PRKN: variants seen among roughly 807,000 people sequenced by gnomAD.
The protein encoded by PRKN is parkin RBR E3 ubiquitin protein ligase, also known as E3 ubiquitin-protein ligase parkin.
In PRKN, 56 loss-of-function variants were observed where a neutral mutation model predicts 59.5. The ratio of observed to expected loss-of-function variants is 0.94; its 90% CI spans 0.76 to 1.18. PRKN has a LOEUF of 1.18. Ranked by LOEUF, PRKN falls within the 50% of genes most tolerant of loss-of-function variation. The pLI is 0.00. For synonymous variants in PRKN, 250 were observed against 222.1 expected (o/e 1.13, Z -1.12); for missense variants, 657 against 596.4 (o/e 1.10, Z -1.06).
chr6:162,519,440 T>C (rs1778000950), intron 1 of PRKN, among the ~76,000 whole-genome samples: 1 of 152,136 alleles, frequency 6.6e-6, no homozygotes, highest in African/African-American at 2.4e-5. Context: ...TTGGGCTTTG[T>C]GTGGTCAGGA....
chr6:161,779,205 G>C (rs1790083148), intron 7 of PRKN, among the ~76,000 whole-genome samples: 2 of 151,958 alleles, frequency 1.3e-5, no homozygotes, highest in African/African-American at 4.8e-5. Context: ...CTCCCAAAGT[G>C]CTGGGATTAT....
rs117184313 is a variant in PRKN at position 161,884,534 on chromosome 6, A to T, written c.734+88768T>A. On this transcript the variant is annotated intron_variant, in intron 6 of 11. Coordinates refer to ENST00000366898, the MANE Select transcript of PRKN (RefSeq NM_004562.3). ...ACTTTATGTAACCTTAAAATGATGGATATGCAACTTTTGATGTAGGGCTCT... is the reference window on the plus strand; with the variant it reads ...ACTTTATGTAACCTTAAAATGATGGTTATGCAACTTTTGATGTAGGGCTCT... Among the ~76,000 whole-genome samples, 1,255 of 152,298 alleles carry T rather than the reference A, an allele frequency of 8.2e-3. 9 individuals carry two copies. Among genetic ancestry groups the T allele is most frequent in the Non-Finnish European group, 0.012 (797 of 68,024 alleles).
chr6:162,278,012 A>G lies in PRKN; in HGVS notation c.172-15247T>C, dbSNP rs1030200973. Among the ~76,000 whole-genome samples the G allele has an allele frequency of 4.6e-5, 7 of 152,338 alleles. No individual in the cohort carries two copies. In the East Asian group the frequency reaches 5.8e-4, roughly 13 times the overall value. On this transcript the variant is annotated intron_variant, in intron 2 of 11. Transcript: ENST00000366898. Reference sequence around the variant, plus strand: ...CTTTATTCAGGATTGCCAAAATTCAATGCAACCAACATGTTCTTCATCAGG... The same window carrying G: ...CTTTATTCAGGATTGCCAAAATTCAGTGCAACCAACATGTTCTTCATCAGG...
intron 4 of PRKN, 132 bp downstream of exon 4, chr6:162,200,995 TTAAC>T: frequency 2.0e-6 from 2 of 1,003,968 alleles, no homozygotes; most frequent in South Asian, 1.4e-5. Flanking sequence ...TCGGCTATCA[TTAAC>T]TATCACAACC....
chr6:162,009,280 A>C (rs911655820), intron 5 of PRKN, among the ~76,000 whole-genome samples: 1 of 151,778 alleles, frequency 6.6e-6, no homozygotes, highest in African/African-American at 2.4e-5. Flanking sequence ...AAGAGGTGAG[A>C]TACTACATTG....
chr6:161,800,172 A>G (rs575224116), intron 6 of PRKN, among the ~76,000 whole-genome samples: 5 of 152,268 alleles, frequency 3.3e-5, no homozygotes, highest in African/African-American at 4.8e-5. Context: ...ATGCATGGAC[A>G]TGGTGAAAGC....
chr6:162,089,704 C>T (rs1430857015), intron 4 of PRKN, among the ~76,000 whole-genome samples: 3 of 152,006 alleles, frequency 2.0e-5, no homozygotes, highest in Non-Finnish European at 4.4e-5. Flanking sequence ...TATTATTTGG[C>T]AATAAAAAGG....
At chr6:162,707,508 C>A (rs1778378737) in intron 1 of PRKN, among the ~76,000 whole-genome samples, 1 of 151,536 alleles carries the variant, frequency 6.6e-6, no homozygotes, top group South Asian at 2.1e-4. Flanking sequence ...GCCTGGTTAT[C>A]TTTGTATTGA....
intron 7 of PRKN, among the ~76,000 whole-genome samples, chr6:161,753,699 A>G (rs745558328): frequency 3.9e-5 from 6 of 152,140 alleles, no homozygotes; most frequent in Non-Finnish European, 5.9e-5. Flanking sequence ...CCCAAGCCCA[A>G]TGGGGGCGGG....
intron 1 of PRKN, among the ~76,000 whole-genome samples, chr6:162,677,029 C>T (rs1461084647): frequency 6.8e-6 from 1 of 147,730 alleles, no homozygotes; most frequent in Non-Finnish European, 1.5e-5. Context: ...CAACTGCACT[C>T]CAGCCTGGCC....
chr6:161,839,317 G>A (rs1306354561), intron 6 of PRKN, among the ~76,000 whole-genome samples: 2 of 152,108 alleles, frequency 1.3e-5, no homozygotes, highest in African/African-American at 2.4e-5. Flanking sequence ...CTCACTCCAG[G>A]TATACAATGT....
intron 1 of PRKN, chr6:162,569,060 A>C (rs1484550240): frequency 1.5e-6 from 1 of 682,952 alleles, no homozygotes; most frequent in Non-Finnish European, 2.6e-6. Flanking sequence ...CCAGGACAAC[A>C]GCCACTTCCT....
rs369404858 is a variant in PRKN, at chr6:161,497,577, T to TCTCA, written c.1083+51276_1083+51277insTGAG. ...ATGTCTCTCTCTCTCTCTCTCTCTC[T>TCTCA]CACACACACACACACACACACCATA... is the stretch of plus-strand genomic sequence containing the variant. On this transcript the variant is annotated intron_variant, in intron 9 of 11. Coordinates refer to ENST00000366898, the MANE Select transcript of PRKN (RefSeq NM_004562.3). This position sits in a 1 kb window ranked among gnomAD's most constrained non-coding sequence, Gnocchi z 4.6. Among the ~76,000 whole-genome samples, 2,450 of 147,424 alleles carry TCTCA rather than the reference T, an allele frequency of 0.017. 19 individuals are homozygous for TCTCA. The highest frequency in any genetic ancestry group is 0.026 in the Non-Finnish European group (1,722 of 66,872).
At chr6:162,576,219 T>A (rs1780548536) in intron 1 of PRKN, among the ~76,000 whole-genome samples, 1 of 152,258 alleles carries the variant, frequency 6.6e-6, no homozygotes, top group African/African-American at 2.4e-5. Flanking sequence ...AACATGCAGT[T>A]CCCTCTGCTG....
intron 1 of PRKN, among the ~76,000 whole-genome samples, chr6:162,478,744 T>A (rs1471564966): frequency 6.6e-6 from 1 of 152,190 alleles, no homozygotes; most frequent in Non-Finnish European, 1.5e-5. Flanking sequence ...AGCCTGCTGC[T>A]CTTGGCTACA....
intron 10 of PRKN, among the ~76,000 whole-genome samples, chr6:161,375,941 A>G (rs1166023419): frequency 2.6e-5 from 4 of 152,154 alleles, no homozygotes; most frequent in African/African-American, 9.7e-5. Flanking sequence ...GCTTTACTTA[A>G]ACCAACAAGC....
intron 1 of PRKN, among the ~76,000 whole-genome samples, chr6:162,623,122 T>A (rs1442436277): frequency 6.6e-6 from 1 of 152,234 alleles, no homozygotes; most frequent in African/African-American, 2.4e-5. Context: ...TCAACCTCTT[T>A]TTTTTGGATC....
intron 9 of PRKN, among the ~76,000 whole-genome samples, chr6:161,443,823 T>TG (rs928140781): frequency 2.0e-5 from 3 of 152,178 alleles, no homozygotes; most frequent in African/African-American, 7.2e-5. Context: ...AAGGGGTTAA[T>TG]GGAAAGAGTG....
intron 1 of PRKN, among the ~76,000 whole-genome samples, chr6:162,549,996 T>C (rs1208320334): frequency 2.6e-5 from 4 of 152,178 alleles, no homozygotes; most frequent in African/African-American, 7.2e-5. Context: ...CAGTGGATGA[T>C]GAAGCTAAAT....
Sources: allele counts gnomAD v4.1 joint callset (sites outside exome capture counted in the v4.1 genomes callset), GRCh38; gene constraint gnomAD v4.1.1; non-coding constraint Gnocchi (gnomAD v3.1); transcripts MANE v1.5; gene names NCBI Gene and HGNC (gene_info 2026-07-23, HGNC 2026-07-21).